Variants in NEK11 observed in about 807,000 individuals in gnomAD.
The protein encoded by NEK11 is NIMA related kinase 11.
NEK11 carries 72 observed loss-of-function variants against 80.7 expected under a neutral mutation model. The ratio of observed to expected loss-of-function variants is 0.89; its 90% CI spans 0.74 to 1.08. NEK11 has a LOEUF of 1.08. NEK11 is among the 50% of genes least tolerant of loss of function. The pLI is 0.00. For synonymous variants in NEK11, 251 were observed against 260.7 expected, an observed-to-expected ratio of 0.96 and a Z score of 0.36; for missense variants, 764 against 763.6, an observed-to-expected ratio of 1.00 and a Z score of -0.01.
Position 131,145,563 on chromosome 3 carries a change from G to T in NEK11, c.648-6825G>T, listed in dbSNP as rs116441881. On this transcript the variant is annotated intron_variant, in intron 7 of 17. Coordinates refer to ENST00000383366, the MANE Select transcript of NEK11 (RefSeq NM_024800.5). ...CAGTGATTTTTAAAAGTGAATTAAG[G>T]TTCTATATAGAACCTGAAATTACCT... Among the ~76,000 whole-genome samples, 577 of 152,194 alleles carry T rather than the reference G, an allele frequency of 3.8e-3. 1 individual carries two copies. Among genetic ancestry groups the T allele is most frequent in the Non-Finnish European group, 6.1e-3 (415 of 67,994 alleles).
intron 7 of NEK11, among the ~76,000 whole-genome samples, chr3:131,135,903 A>G (rs768698430): frequency 1.3e-5 from 2 of 152,138 alleles, no homozygotes; most frequent in Non-Finnish European, 2.9e-5. Context: ...AACAAAAGCA[A>G]CAGAACCCAC....
chr3:131,100,709 C>T (rs375736328), intron 4 of NEK11, among the ~76,000 whole-genome samples: 4 of 152,162 alleles, frequency 2.6e-5, no homozygotes, highest in East Asian at 3.9e-4. Flanking sequence ...TCTCCTTTTT[C>T]GTTGCATCTT....
intron 17 of NEK11, among the ~76,000 whole-genome samples, chr3:131,298,629 GCTTCTTTCA>G (rs1272609381): frequency 6.6e-6 from 1 of 151,846 alleles, no homozygotes; most frequent in Non-Finnish European, 1.5e-5. Flanking sequence ...CCCCACTCTG[GCTTCTTTCA>G]GGATTTTTTC....
intron 4 of NEK11, among the ~76,000 whole-genome samples, chr3:131,100,219 T>C (rs2078158783): frequency 6.6e-6 from 1 of 152,194 alleles, no homozygotes; most frequent in Non-Finnish European, 1.5e-5. Flanking sequence ...GATCATATGG[T>C]TTTCGCTTTT....
rs574068527 is a variant in NEK11 at position 131,250,661 on chromosome 3, T to C, written c.1621+7165T>C. Among the ~76,000 whole-genome samples, 6 of 152,164 alleles carry C rather than the reference T, an allele frequency of 3.9e-5. 1 individual carries two copies. Among genetic ancestry groups the C allele is most frequent in the African/African-American group, 1.4e-4 (6 of 41,550 alleles). ...AGAGTAAAGAAAGGTCACTGAACGA[T>C]AGGTGGGCAACAGGCCTGGGAAATA... On this transcript the variant is annotated intron_variant, in intron 16 of 17. Coordinates refer to ENST00000383366, the MANE Select transcript of NEK11 (RefSeq NM_024800.5).
chr3:131,056,168 C>A (rs2069443419), intron 3 of NEK11, among the ~76,000 whole-genome samples: 1 of 152,144 alleles, frequency 6.6e-6, no homozygotes, highest in Admixed American at 6.5e-5. Context: ...GGTCTCTGGG[C>A]TGGTTCTGTC....
At chr3:131,218,512 T>C (rs1010734948) in intron 14 of NEK11, among the ~76,000 whole-genome samples, 6 of 152,210 alleles carry the variant, frequency 3.9e-5, no homozygotes, top group Non-Finnish European at 8.8e-5. Flanking sequence ...AACAATTCTG[T>C]GGAGAATAGA....
chr3:131,341,252 G>A (rs2097280867), intron 17 of NEK11, among the ~76,000 whole-genome samples: 1 of 152,124 alleles, frequency 6.6e-6, no homozygotes, highest in African/African-American at 2.4e-5. Flanking sequence ...CCTAAAATGA[G>A]TTTGTTTATG....
chr3:131,214,500 A>G (rs565702495), intron 14 of NEK11, among the ~76,000 whole-genome samples: 1 of 152,310 alleles, frequency 6.6e-6, no homozygotes, highest in South Asian at 2.1e-4. Context: ...TTTGGGGGAG[A>G]AAAGACAAAT....
rs143566929 is a variant in NEK11, at chr3:131,250,047, G to C, written c.1621+6551G>C. ...TATTAAAATTCTAAAAGATAGCAGA[G>C]AAAGTATTACCTCTGTGAAGCAAAT... On this transcript the variant is annotated intron_variant, in intron 16 of 17. Transcript: ENST00000383366. Among the ~76,000 whole-genome samples the C allele has an allele frequency of 1.4e-3, 217 of 152,046 alleles. 1 individual carries two copies. The East Asian group carries it at 0.016, about 12-fold the overall frequency.
chr3:131,169,004 G>C, intron 13 of NEK11, 67 bp downstream of exon 13: 2 of 1,230,330 alleles, frequency 1.6e-6, no homozygotes, highest in Non-Finnish European at 1.2e-6. Context: ...GAACAAAGGG[G>C]AAAGAAAATG....
At chr3:131,152,110 G>A (rs1033093088) in intron 7 of NEK11, among the ~76,000 whole-genome samples, 1 of 151,974 alleles carries the variant, frequency 6.6e-6, no homozygotes, top group East Asian at 1.9e-4. Context: ...CTTACTATGT[G>A]CAGGCATACT....
intron 17 of NEK11, among the ~76,000 whole-genome samples, chr3:131,279,772 C>G (rs945555027): frequency 2.6e-5 from 4 of 152,156 alleles, no homozygotes. Context: ...TAGTCATATG[C>G]TAGAGCCTTG....
intron 11 of NEK11, among the ~76,000 whole-genome samples, chr3:131,163,040 G>A (rs2091825631): frequency 1.3e-5 from 2 of 152,196 alleles, no homozygotes; most frequent in South Asian, 2.1e-4. Context: ...TTGCTGGTGG[G>A]AGATATCACT....
chr3:131,243,321 A>G, intron 15 of NEK11, 115 bp from the exon 16 acceptor site: 1 of 819,490 alleles, frequency 1.2e-6, no homozygotes, highest in Non-Finnish European at 1.9e-6. Flanking sequence ...TTATACTGAA[A>G]TAATTTTGGA....
At chr3:131,272,600 A>G (rs1450741707) in intron 16 of NEK11, among the ~76,000 whole-genome samples, 2 of 147,540 alleles carry the variant, frequency 1.4e-5, no homozygotes, top group East Asian at 4.0e-4. Flanking sequence ...CTCAGCCTCC[A>G]GAGTAGCTGG....
chr3:131,107,728 T>C (rs2079427501), intron 4 of NEK11, among the ~76,000 whole-genome samples: 1 of 152,090 alleles, frequency 6.6e-6, no homozygotes, highest in Non-Finnish European at 1.5e-5. Context: ...TAGAAGCTGA[T>C]ATTATAAGCT....
intron 15 of NEK11, among the ~76,000 whole-genome samples, chr3:131,231,141 A>C (rs1472729936): frequency 6.6e-6 from 1 of 151,896 alleles, no homozygotes; most frequent in Non-Finnish European, 1.5e-5. Context: ...AGCCTCTCAC[A>C]TACATGGTGG....
chr3:131,203,765 GTGTA>G (rs2094344225), intron 14 of NEK11, among the ~76,000 whole-genome samples: 1 of 104,298 alleles, frequency 9.6e-6, no homozygotes, highest in African/African-American at 4.2e-5. Context: ...GTGTGTGTGT[GTGTA>G]TATATATATA....
Sources: gnomAD v4.1 joint callset for allele counts (sites outside exome capture counted in the v4.1 genomes callset) on GRCh38, gnomAD v4.1.1 for gene constraint, MANE v1.5 for transcripts, NCBI Gene and HGNC (gene_info 2026-07-23, HGNC 2026-07-21) for gene names.